Variants in PCDH18 observed in about 807,000 individuals in gnomAD.
PCDH18 encodes protocadherin-18.
PCDH18 carries 38 observed loss-of-function variants against 71.5 expected under a neutral mutation model. The observed-to-expected ratio is 0.53, with a 90% CI of 0.41 to 0.70. PCDH18 has a LOEUF of 0.70. PCDH18 is among the 30% of genes least tolerant of loss of function. The pLI is 0.00. For missense variants in PCDH18, 1,334 were observed against 1,384.6 expected, an observed-to-expected ratio of 0.96 and a Z score of 0.58; for synonymous variants, 565 against 505.4, an observed-to-expected ratio of 1.12 and a Z score of -1.58.
At chr4:137,523,110 G>A (rs1731349290) in intron 3 of PCDH18, among the ~76,000 whole-genome samples, 1 of 152,048 alleles carries the variant, frequency 6.6e-6, no homozygotes, top group Non-Finnish European at 1.5e-5. Flanking sequence ...GAAAAAAGCT[G>A]AATCACTAGA....
chr4:137,531,354 AG>A lies in PCDH18; in HGVS notation c.734del (p.Ala245ValfsTer8). 1 of 1,613,938 alleles carries A rather than the reference AG, an allele frequency of 6.2e-7. No individual in the cohort carries two copies. The highest frequency in any genetic ancestry group is 8.5e-7 in the Non-Finnish European group (1 of 1,179,988). On this transcript the variant is annotated frameshift_variant, in exon 1 of 4. Coordinates refer to ENST00000344876, the MANE Select transcript of PCDH18 (RefSeq NM_019035.5). LOFTEE classifies it high-confidence loss of function. ...GTATTATATAAGATTGCTGCTCAAA[AG>A]CAGGGCTGTTGTCATTGGAGTCTGA... is the stretch of plus-strand genomic sequence containing the variant. ...SISDSNDNSPAFEQQSYIIQL... is the reference protein window; with the variant it reads ...SISDSNDNSPXFEQQSYIIQL...
In PCDH18 at chr4:137,525,948, GTCAC is replaced by G. The variant is rs1560723616; in HGVS notation, c.2740+2526_2740+2529del. ...AAATGTGATACTGATGAAGCTTAAC[GTCAC>G]TCACTAAACACAATTCAGTTTTCTA... On this transcript the variant is annotated intron_variant, in intron 3 of 3. Transcript: ENST00000344876. Among the ~76,000 whole-genome samples, 9 of 152,014 alleles carry G rather than the reference GTCAC, an allele frequency of 5.9e-5. No individual in the cohort carries two copies. In the South Asian group the frequency reaches 1.9e-3, roughly 32 times the overall value.
rs772402978 is a variant in PCDH18 at position 137,521,598 on chromosome 4, T to G, written c.2839A>C (p.Met947Leu). 3 of 1,613,844 alleles carry G rather than the reference T, an allele frequency of 1.9e-6. No individual in the cohort carries two copies. The African/African-American group carries it at 4.0e-5, about 22-fold the overall frequency. The change falls in exon 4 of 4, where the codon ATG becomes CTG. Residue 947 changes from methionine to leucine, a missense_variant. Physicochemically the swap from Met to Leu is conservative, Grantham distance 15. Around this residue, in one of 3 missense-constraint regions of PCDH18, gnomAD observed 319 missense variants for 316.3 expected, o/e 1.01. Transcript: ENST00000344876. ...PSPSSDYRSN[M>L]FIPGEEFPTQ... is the part of the protein sequence containing the mutation. ...GGGAATTCTTCCCCTGGAATGAACA[T>G]GTTACTCCTATAATCAGAAGACGGT...
rs754995765 is a variant in PCDH18, at chr4:137,529,946, C to T, written c.2143G>A (p.Val715Ile). ...SLGAICAVLL[V>I]IMVLFATRCN... ...CTAGTTGCAAATAGCACCATAATAA[C>T]CAGCAACACTGCACAAATTGCTCCT... The change falls in exon 1 of 4, where the codon GTT (valine) becomes ATT (isoleucine). Residue 715 changes from valine (V) to isoleucine (I), a missense_variant. Val to Ile is a conservative substitution (Grantham distance 29). Coordinates refer to ENST00000344876, the MANE Select transcript of PCDH18 (RefSeq NM_019035.5). The T allele has an allele frequency of 3.1e-6, 5 of 1,613,800 alleles. No homozygotes were observed. The South Asian group carries it at 3.3e-5, about 11-fold the overall frequency.
chr4:137,531,107 C>T lies in PCDH18; in HGVS notation c.982G>A (p.Asp328Asn). The T allele has an allele frequency of 2.5e-6, 4 of 1,613,862 alleles. No individual in the cohort carries two copies. Among genetic ancestry groups the T allele is most frequent in the Non-Finnish European group, 3.4e-6 (4 of 1,179,816 alleles). ...GCTGGGATTGAATTTGGACCCAAAT[C>T]TTGAGCCTGAACATCAATCTCATAG... is the stretch of plus-strand genomic sequence containing the variant. ...KSYEIDVQAQ[D>N]LGPNSIPAHC... is the part of the protein sequence containing the mutation. Residue 328 changes from aspartate (D) to asparagine (N), a missense_variant, in exon 1 of 4, where the codon GAT becomes AAT. Transcript: ENST00000344876.
In PCDH18 at chr4:137,530,545, G is replaced by C; in HGVS notation, c.1544C>G (p.Thr515Ser). 6.2e-7 allele frequency: 1 copy of C among 1,613,524 alleles called. No homozygotes were observed. Among genetic ancestry groups the C allele is most frequent in the East Asian group, 2.2e-5 (1 of 44,864 alleles). ...AGATGGGTCAATGGTTACATATGTA[G>C]TTATGGAACTTCCTAGAATAAAACT... ...LESFILGSSI[T>S]TYVTIDPSNG... Residue 515 changes from threonine to serine, a missense_variant, in exon 1 of 4, where the codon ACT (threonine) becomes AGT (serine). By Grantham distance (58) the Thr-to-Ser change is moderately conservative. Around this residue, in one of 3 missense-constraint regions of PCDH18, gnomAD observed 1,011 missense variants for 1,048.0 expected, o/e 0.96. Transcript: ENST00000344876.
intron 3 of PCDH18, 58 bp downstream of exon 3, chr4:137,528,420 A>G: frequency 1.4e-6 from 2 of 1,403,386 alleles, no homozygotes; most frequent in Non-Finnish European, 2.0e-6. Flanking sequence ...GAAATTTTTC[A>G]TTTTACTGGT....
Position 137,528,548 on chromosome 4 carries a change from A to G in PCDH18, c.2670T>C (p.Asp890=). The G allele has an allele frequency of 6.2e-7, 1 of 1,613,964 alleles. No individual in the cohort carries two copies. Among genetic ancestry groups the G allele is most frequent in the Non-Finnish European group, 8.5e-7 (1 of 1,179,904 alleles). The part of the protein sequence containing the change: ...AGDSDYDLGR[D]SPIDRLLGEG... ...CACCCAACAGCCTATCTATTGGAGAATCTCGCCCCAAATCATAATCACTGT... is the reference window on the plus strand; with the variant it reads ...CACCCAACAGCCTATCTATTGGAGAGTCTCGCCCCAAATCATAATCACTGT... The change falls in exon 3 of 4, where the codon GAT becomes GAC. Residue 890 remains aspartate, a synonymous_variant. Coordinates refer to ENST00000344876, the MANE Select transcript of PCDH18 (RefSeq NM_019035.5).
At chr4:137,524,105 C>T (rs1336612319) in intron 3 of PCDH18, among the ~76,000 whole-genome samples, 1 of 152,086 alleles carries the variant, frequency 6.6e-6, no homozygotes, top group African/African-American at 2.4e-5. Context: ...GTTAGCAGGG[C>T]TTGTTGACAA....
Position 137,531,285 on chromosome 4 carries a change from C to A in PCDH18, c.804G>T (p.Leu268=). Residue 268 remains leucine (L), a synonymous_variant, in exon 1 of 4, where the codon CTG becomes CTT. Transcript: ENST00000344876. ...NSPVGTLLLD[L]NATDPDEGAN... is the part of the protein sequence containing the mutation. ...CGCCCTCATCTGGATCCGTGGCATT[C>A]AGATCTAAGAGCAAAGTGCCAACCG... 6.2e-7 allele frequency: 1 copy of A among 1,614,086 alleles called. No homozygotes were observed. Among genetic ancestry groups the A allele is most frequent in the South Asian group, 1.1e-5 (1 of 91,084 alleles).
intron 3 of PCDH18, among the ~76,000 whole-genome samples, chr4:137,523,375 G>A (rs1731358798): frequency 6.6e-6 from 1 of 151,738 alleles, no homozygotes; most frequent in Admixed American, 6.6e-5. Context: ...TGAAACAAAA[G>A]GGGTTGAAAG....
intron 3 of PCDH18, among the ~76,000 whole-genome samples, chr4:137,522,686 G>A (rs1731335693): frequency 6.6e-6 from 1 of 152,128 alleles, no homozygotes; most frequent in Non-Finnish European, 1.5e-5. Context: ...GTTGTTACTA[G>A]CTATACTTAT....
rs150452875 is a variant in PCDH18 at position 137,529,784 on chromosome 4, G to A, written c.2305C>T (p.Leu769=). 123 of 1,613,422 alleles carry A rather than the reference G, an allele frequency of 7.6e-5. 1 individual carries two copies. The highest frequency in any genetic ancestry group is 3.1e-5 in the Non-Finnish European group (37 of 1,179,650). The change falls in exon 1 of 4, where the codon CTG becomes TTG. Residue 769 remains leucine, a synonymous_variant. Coordinates refer to ENST00000344876, the MANE Select transcript of PCDH18 (RefSeq NM_019035.5). ...GATCTGTGATGAGATCTGATGGGCA[G>A]AGTGCCATTTATGGTAGGCACCAAT... The part of the protein sequence containing the change: ...ITLVPTINGT[L]PIRSHHRSSP...
intron 3 of PCDH18, among the ~76,000 whole-genome samples, chr4:137,526,232 A>G (rs1731454330): frequency 6.6e-6 from 1 of 152,026 alleles, no homozygotes; most frequent in Non-Finnish European, 1.5e-5. Flanking sequence ...TTAATCCCCA[A>G]AATACCAAGG....
At position 137,529,597 on chromosome 4, in the gene PCDH18, C is replaced by T; in HGVS notation, c.2487+5G>A. 1 of 1,578,416 alleles carries T rather than the reference C, an allele frequency of 6.3e-7. No homozygotes were observed. The highest frequency in any genetic ancestry group is 2.2e-5 in the East Asian group (1 of 44,526). The stretch of plus-strand genomic sequence containing the variant: ...GCAATGAATTGATGCGGTTTATGAT[C>T]TTACCTCAACAGCAGGAGTGGCGTG... On this transcript the variant is annotated splice_donor_5th_base_variant and intron_variant, in intron 1 of 3. Coordinates refer to ENST00000344876, the MANE Select transcript of PCDH18 (RefSeq NM_019035.5).
In PCDH18 at chr4:137,529,635, T is replaced by C; in HGVS notation, c.2454A>G (p.Ser818=). The change falls in exon 1 of 4, where the codon TCA becomes TCG. Residue 818 remains serine (S), a synonymous_variant. Coordinates refer to ENST00000344876, the MANE Select transcript of PCDH18 (RefSeq NM_019035.5). The stretch of plus-strand genomic sequence containing the variant: ...CAGGAGTGGCGTGGGTGAGTTCTAA[T>C]GAGAAATTCTCTGGCACGTGGTTTG... The part of the protein sequence containing the change: ...ISSNHVPENF[S]LELTHATPAV... 6.2e-7 allele frequency: 1 copy of C among 1,606,816 alleles called. No homozygotes were observed. Among genetic ancestry groups the C allele is most frequent in the Non-Finnish European group, 8.5e-7 (1 of 1,174,290 alleles).
chr4:137,528,114 A>G (rs553682616), intron 3 of PCDH18, among the ~76,000 whole-genome samples: 2 of 152,262 alleles, frequency 1.3e-5, no homozygotes, highest in African/African-American at 4.8e-5. Flanking sequence ...AACTGAATAA[A>G]AACCACCACC....
chr4:137,528,538 C>G lies in PCDH18; in HGVS notation c.2680G>C (p.Asp894His), dbSNP rs867015556. The G allele has an allele frequency of 6.2e-7, 1 of 1,613,866 alleles. No homozygotes were observed. The highest frequency in any genetic ancestry group is 8.5e-7 in the Non-Finnish European group (1 of 1,179,932). Residue 894 changes from aspartate (D) to histidine (H), a missense_variant, in exon 3 of 4, where the codon GAT (aspartate) becomes CAT (histidine). Physicochemically the swap from Asp to His is moderately conservative, Grantham distance 81. Transcript: ENST00000344876. ...CTGAATCCTTCACCCAACAGCCTATCTATTGGAGAATCTCGCCCCAAATCA... is the reference window on the plus strand; with the variant it reads ...CTGAATCCTTCACCCAACAGCCTATGTATTGGAGAATCTCGCCCCAAATCA... Reference protein sequence around the residue: ...DYDLGRDSPIDRLLGEGFSDL... With the variant: ...DYDLGRDSPIHRLLGEGFSDL...
chr4:137,528,870 C>A, intron 1 of PCDH18, 50 bp from the exon 2 acceptor site: 2 of 1,226,548 alleles, frequency 1.6e-6, no homozygotes, highest in Middle Eastern at 1.9e-4. Flanking sequence ...CCTCCAAACA[C>A]TCACAATCTT....
Sources: gnomAD v4.1 joint callset for allele counts (sites outside exome capture counted in the v4.1 genomes callset) on GRCh38, gnomAD v4.1.1 for gene constraint, gnomAD v4.1.1 regional missense constraint, MANE v1.5 for transcripts, NCBI Gene and HGNC (gene_info 2026-07-23, HGNC 2026-07-21) for gene names.